GPC3: variants seen among roughly 807,000 people sequenced by gnomAD.
GPC3 encodes the protein glypican 3, also known as glypican-3.
In GPC3, 3 loss-of-function variants were observed where a neutral mutation model predicts 34.4. The ratio of observed to expected loss-of-function variants is 0.09; its 90% CI spans 0.04 to 0.23. The LOEUF (loss-of-function observed/expected upper bound fraction) is 0.23, where lower values mean the gene tolerates loss of function less well. Ranked by LOEUF, GPC3 falls within the 10% of genes least tolerant of loss-of-function variation. The pLI, the probability that GPC3 is intolerant of heterozygous loss-of-function variation, is 1.00. For missense variants in GPC3, 351 were observed against 445.6 expected (o/e 0.79, Z 1.91); for synonymous variants, 177 against 174.0 (o/e 1.02, Z -0.13).
At chrX:133,833,486 G>A (rs1050345605) in intron 2 of GPC3, among the ~76,000 whole-genome samples, 3 of 111,427 alleles carry the variant, frequency 2.7e-5, no homozygotes, top group Non-Finnish European at 5.6e-5. Flanking sequence ...ACAAACAGAC[G>A]CTGAGCACTT....
intron 4 of GPC3, among the ~76,000 whole-genome samples, chrX:133,698,455 T>A (rs772533340): frequency 1.5e-4 from 17 of 112,059 alleles, no homozygotes; most frequent in African/African-American, 5.5e-4. Flanking sequence ...AACTACCCAG[T>A]TGGGGGCAGA....
chrX:133,890,974 A>G (rs1053183860), intron 2 of GPC3, among the ~76,000 whole-genome samples: 6 of 110,319 alleles, frequency 5.4e-5, no homozygotes, highest in Non-Finnish European at 9.4e-5. Context: ...GGTTACAGTG[A>G]GCCATGATGG....
intron 2 of GPC3, among the ~76,000 whole-genome samples, chrX:133,928,230 G>A (rs2076283866): frequency 9.0e-6 from 1 of 110,908 alleles, no homozygotes; most frequent in African/African-American, 3.3e-5. Context: ...CAAAAGGAAG[G>A]TCTCCTTTTC....
intron 1 of GPC3, 117 bp downstream of exon 1, chrX:133,985,158 G>T: frequency 1.3e-6 from 1 of 787,952 alleles, no homozygotes; most frequent in Non-Finnish European, 1.9e-6. Context: ...ACTCCCAAGT[G>T]CCCAGCTGCA....
intron 2 of GPC3, among the ~76,000 whole-genome samples, chrX:133,795,632 A>C (rs1186969481): frequency 8.9e-6 from 1 of 112,031 alleles, no homozygotes; most frequent in Non-Finnish European, 1.9e-5. Flanking sequence ...TATGTATCTA[A>C]ATACCTATGG....
chrX:133,894,999 A>G (rs2076105352), intron 2 of GPC3, among the ~76,000 whole-genome samples: 1 of 112,406 alleles, frequency 8.9e-6, no homozygotes, highest in Admixed American at 9.4e-5. Context: ...CTGAGATCCT[A>G]CTATGATCAA....
intron 2 of GPC3, among the ~76,000 whole-genome samples, chrX:133,756,309 T>C (rs761939432): frequency 8.9e-6 from 1 of 112,259 alleles, no homozygotes; most frequent in Admixed American, 9.5e-5. Flanking sequence ...TCAAAAACCT[T>C]TGCAGAAAGT....
chrX:133,621,653 G>A (rs976318198), intron 6 of GPC3, among the ~76,000 whole-genome samples: 13 of 112,262 alleles, frequency 1.2e-4, no homozygotes, highest in African/African-American at 4.2e-4. Flanking sequence ...AAGCGGCCAG[G>A]AAGCTCAAAC....
chrX:133,690,277 G>A (rs2071049385), intron 5 of GPC3, among the ~76,000 whole-genome samples: 1 of 111,364 alleles, frequency 9.0e-6, no homozygotes, highest in African/African-American at 3.3e-5. Context: ...AGGAGTGAAG[G>A]GGAAAGGGGG....
chrX:133,629,173 T>C (rs1023251931), intron 6 of GPC3, among the ~76,000 whole-genome samples: 1 of 111,870 alleles, frequency 8.9e-6, no homozygotes, highest in Non-Finnish European at 1.9e-5. Context: ...CCTGTAGTCA[T>C]AGATATATTG....
intron 2 of GPC3, among the ~76,000 whole-genome samples, chrX:133,866,729 C>CT (rs935136979): frequency 2.7e-5 from 3 of 109,520 alleles, no homozygotes; most frequent in Non-Finnish European, 3.8e-5. Context: ...TGGCTTTTTT[C>CT]TTTTTTTTTG....
intron 5 of GPC3, among the ~76,000 whole-genome samples, chrX:133,677,623 T>C (rs1422094309): frequency 8.9e-6 from 1 of 112,010 alleles, no homozygotes; most frequent in Non-Finnish European, 1.9e-5. Context: ...CCACAGGGGA[T>C]GCACAGGCAA....
At chrX:133,857,210 T>G (rs1249309482) in intron 2 of GPC3, among the ~76,000 whole-genome samples, 1 of 111,750 alleles carries the variant, frequency 8.9e-6, no homozygotes, top group Non-Finnish European at 1.9e-5. Flanking sequence ...TCCTGTTCTC[T>G]GGATCCTTTT....
At chrX:133,727,410 C>T (rs1015074950) in intron 3 of GPC3, among the ~76,000 whole-genome samples, 4 of 110,374 alleles carry the variant, frequency 3.6e-5, no homozygotes, top group Non-Finnish European at 7.6e-5. Flanking sequence ...ATTAGCCGGG[C>T]ATGGTGGCAG....
At chrX:133,775,176 C>T (rs1484699614) in intron 2 of GPC3, among the ~76,000 whole-genome samples, 6 of 110,278 alleles carry the variant, frequency 5.4e-5, no homozygotes, top group Admixed American at 9.6e-5. Context: ...CCCATATTCC[C>T]ACCAACTGTT....
intron 5 of GPC3, among the ~76,000 whole-genome samples, chrX:133,679,812 G>A (rs2070922201): frequency 9.1e-6 from 1 of 110,271 alleles, no homozygotes; most frequent in Non-Finnish European, 1.9e-5. Flanking sequence ...ATGCCACCAC[G>A]CCCGGCTAAT....
At chrX:133,931,673 A>T (rs1431235773) in intron 2 of GPC3, among the ~76,000 whole-genome samples, 1 of 111,827 alleles carries the variant, frequency 8.9e-6, no homozygotes, top group Non-Finnish European at 1.9e-5. Context: ...AATAAATGGA[A>T]ACTCTCACTA....
intron 2 of GPC3, among the ~76,000 whole-genome samples, chrX:133,819,375 G>T (rs2075708197): frequency 9.2e-6 from 1 of 108,497 alleles, no homozygotes; most frequent in Non-Finnish European, 1.9e-5. Flanking sequence ...TATAAACATG[G>T]TTAGACACTT....
intron 3 of GPC3, among the ~76,000 whole-genome samples, chrX:133,705,490 C>T (rs2071207649): frequency 8.9e-6 from 1 of 112,213 alleles, no homozygotes; most frequent in African/African-American, 3.2e-5. Flanking sequence ...TTATTAGCCC[C>T]ATTTTTAGAT....
Sources: allele counts gnomAD v4.1 joint callset (sites outside exome capture counted in the v4.1 genomes callset), GRCh38; gene constraint gnomAD v4.1.1; transcripts MANE v1.5; gene names NCBI Gene and HGNC (gene_info 2026-07-23, HGNC 2026-07-21).